Variants in ELF2 observed in about 807,000 individuals in gnomAD.
ELF2 encodes the protein ETS-related transcription factor Elf-2.
In ELF2, 11 loss-of-function variants were observed where a neutral mutation model predicts 54.8. The observed-to-expected ratio is 0.20, with a 90% CI of 0.13 to 0.33. The LOEUF (loss-of-function observed/expected upper bound fraction) is 0.33, where lower values mean the gene tolerates loss of function less well. ELF2 is among the 10% of genes least tolerant of loss of function. The pLI, the probability that ELF2 is intolerant of heterozygous loss-of-function variation, is 1.00. For synonymous variants in ELF2, 203 were observed against 245.1 expected (o/e 0.83, Z 1.61); for missense variants, 513 against 703.0 (o/e 0.73, Z 3.06).
chr4:139,079,618 A>C (rs1730815264), intron 4 of ELF2, among the ~76,000 whole-genome samples: 1 of 151,702 alleles, frequency 6.6e-6, no homozygotes, highest in Non-Finnish European at 1.5e-5. Flanking sequence ...TAGATGACAA[A>C]TTATGATTCT....
At chr4:139,064,317 G>GA (rs1393481569) in intron 7 of ELF2, among the ~76,000 whole-genome samples, 9 of 152,106 alleles carry the variant, frequency 5.9e-5, no homozygotes, top group African/African-American at 2.2e-4. Context: ...TCCGTCTCAA[G>GA]AAAAAAAGAA....
At chr4:139,077,821 T>C (rs974231073) in intron 4 of ELF2, among the ~76,000 whole-genome samples, 1 of 151,696 alleles carries the variant, frequency 6.6e-6, no homozygotes, top group African/African-American at 2.4e-5. Flanking sequence ...AAAACTTGAC[T>C]TACTGGTATC....
At chr4:139,060,252 G>A (rs747960472) in intron 9 of ELF2, 72 bp downstream of exon 9, 215 of 1,344,480 alleles carry the variant, frequency 1.6e-4, no homozygotes, top group Non-Finnish European at 1.8e-4. Flanking sequence ...TAAGCAAAAG[G>A]ACATTTTGTT....
chr4:139,060,155 TC>T (rs1309622550), intron 9 of ELF2, among the ~76,000 whole-genome samples, 168 bp downstream of exon 9: 10 of 152,200 alleles, frequency 6.6e-5, no homozygotes, highest in Non-Finnish European at 1.2e-4. Flanking sequence ...CAGCAAGACA[TC>T]TACTTTAACA....
intron 4 of ELF2, among the ~76,000 whole-genome samples, chr4:139,114,562 CA>C (rs1186488200): frequency 0.013 from 129 of 10,158 alleles, no homozygotes; most frequent in Admixed American, 0.034. Context: ...ACTTCAGTCT[CA>C]CACACACACA....
At position 139,175,594 on chromosome 4, in the gene ELF2, C is replaced by G. The variant is rs566846408; in HGVS notation, c.-252+1373G>C. On this transcript the variant is annotated intron_variant, in intron 1 of 9. Coordinates refer to ENST00000686138, the MANE Select transcript of ELF2 (RefSeq NM_001331036.3). Reference sequence around the variant, plus strand: ...AAACTCTGAAACACAAATATCCAATCCTTTCTTAGTAAAGCATACATCCTT... The same window carrying G: ...AAACTCTGAAACACAAATATCCAATGCTTTCTTAGTAAAGCATACATCCTT... 4.6e-5 allele frequency among the ~76,000 whole-genome samples: 7 copies of G among 152,338 alleles called. No individual in the cohort carries two copies. In the South Asian group the frequency reaches 1.4e-3, roughly 32 times the overall value.
At chr4:139,109,717 GCA>G (rs1344977102) in intron 4 of ELF2, among the ~76,000 whole-genome samples, 1 of 152,158 alleles carries the variant, frequency 6.6e-6, no homozygotes. Context: ...GGAGGCTAAC[GCA>G]CAGACAAAAA....
chr4:139,098,020 A>G, intron 4 of ELF2, among the ~76,000 whole-genome samples: 1 of 152,192 alleles, frequency 6.6e-6, no homozygotes, highest in East Asian at 1.9e-4. Flanking sequence ...ATTTTGTATG[A>G]CACTGATTTT....
intron 1 of ELF2, among the ~76,000 whole-genome samples, chr4:139,158,860 G>A (rs1740809588): frequency 6.6e-6 from 1 of 151,982 alleles, no homozygotes; most frequent in Non-Finnish European, 1.5e-5. Context: ...TTTTAAGTTG[G>A]AGGCTGAGCT....
At chr4:139,063,551 C>T (rs561587067) in intron 7 of ELF2, among the ~76,000 whole-genome samples, 1 of 152,208 alleles carries the variant, frequency 6.6e-6, no homozygotes, top group South Asian at 2.1e-4. Flanking sequence ...AATGCTTATT[C>T]ATCGCATACC....
chr4:139,120,645 T>C (rs1325837076), intron 4 of ELF2, among the ~76,000 whole-genome samples: 1 of 152,134 alleles, frequency 6.6e-6, no homozygotes, highest in Non-Finnish European at 1.5e-5. Flanking sequence ...TCTCACTATG[T>C]TGCCCAGGCT....
At chr4:139,144,446 A>C (rs537723550) in intron 1 of ELF2, among the ~76,000 whole-genome samples, 1 of 152,334 alleles carries the variant, frequency 6.6e-6, no homozygotes, top group East Asian at 1.9e-4. Flanking sequence ...AGGTTGAAAG[A>C]AGCTCCCAAT....
chr4:139,153,562 T>C (rs1578943207), intron 1 of ELF2, among the ~76,000 whole-genome samples: 1 of 152,304 alleles, frequency 6.6e-6, no homozygotes, highest in South Asian at 2.1e-4. Context: ...TCCCACTTTG[T>C]TCCTAAATAG....
intron 4 of ELF2, among the ~76,000 whole-genome samples, chr4:139,095,621 A>G (rs1232576543): frequency 1.3e-5 from 2 of 152,234 alleles, no homozygotes; most frequent in Non-Finnish European, 2.9e-5. Context: ...CCTTTAATCT[A>G]GTCACATGGC....
chr4:139,150,011 A>G (rs901198739), intron 1 of ELF2, among the ~76,000 whole-genome samples: 7 of 152,124 alleles, frequency 4.6e-5, no homozygotes, highest in African/African-American at 1.7e-4. Context: ...TCTGGGCAAC[A>G]TGGTGAAACC....
intron 4 of ELF2, among the ~76,000 whole-genome samples, chr4:139,077,595 T>C: frequency 6.6e-6 from 1 of 152,320 alleles, no homozygotes; most frequent in East Asian, 1.9e-4. Flanking sequence ...TTTGTTTACA[T>C]AAGTCAAGTA....
At chr4:139,102,358 GA>G (rs58840617) in intron 4 of ELF2, 23,369 of 105,208 alleles carry the variant, frequency 0.22, 2,340 homozygotes, top group East Asian at 0.49. Flanking sequence ...CGGTCTCTAC[GA>G]AAAAAAAAAA....
At chr4:139,141,237 C>G (rs561678324) in intron 1 of ELF2, among the ~76,000 whole-genome samples, 1 of 152,278 alleles carries the variant, frequency 6.6e-6, no homozygotes, top group East Asian at 1.9e-4. Flanking sequence ...TCTATCTTGA[C>G]TAATAATAAC....
intron 4 of ELF2, among the ~76,000 whole-genome samples, chr4:139,110,203 C>G (rs985297551): frequency 1.3e-5 from 2 of 152,270 alleles, no homozygotes; most frequent in Non-Finnish European, 2.9e-5. Flanking sequence ...AAGATTAAGA[C>G]TCTTAAAGTG....
Sources: allele counts gnomAD v4.1 joint callset (sites outside exome capture counted in the v4.1 genomes callset), GRCh38; gene constraint gnomAD v4.1.1; transcripts MANE v1.5; gene names NCBI Gene and HGNC (gene_info 2026-07-23, HGNC 2026-07-21).